Variants in ETFA observed in about 807,000 individuals in gnomAD.
ETFA encodes electron transfer flavoprotein subunit alpha.
In ETFA, 22 loss-of-function variants were observed where a neutral mutation model predicts 46.2. The observed-to-expected ratio is 0.48, with a 90% confidence interval of 0.34 to 0.68. The LOEUF (loss-of-function observed/expected upper bound fraction) is 0.68. Among genes scored for constraint, ETFA ranks in the 30% least tolerant of loss-of-function variants. ETFA has a pLI of 0.01. For missense variants in ETFA, 345 were observed against 401.1 expected (o/e 0.86, Z 1.19); for synonymous variants, 131 against 139.9 (o/e 0.94, Z 0.45).
chr15:76,255,740 A>C (rs1249506014), intron 9 of ETFA, among the ~76,000 whole-genome samples: 1 of 152,218 alleles, frequency 6.6e-6, no homozygotes, highest in Non-Finnish European at 1.5e-5. Flanking sequence ...GAAATACTCA[A>C]AAGGTTAAAT....
At chr15:76,222,208 A>AT (rs1283622503) in intron 11 of ETFA, among the ~76,000 whole-genome samples, 2 of 149,012 alleles carry the variant, frequency 1.3e-5, no homozygotes, top group East Asian at 3.9e-4. Flanking sequence ...ATATAAATAT[A>AT]TTTTTTAAAA....
At chr15:76,256,906 G>C (rs1209132232) in intron 9 of ETFA, among the ~76,000 whole-genome samples, 1 of 152,104 alleles carries the variant, frequency 6.6e-6, no homozygotes, top group African/African-American at 2.4e-5. Flanking sequence ...TTGTAGCCTA[G>C]CAGCAATAGG....
chr15:76,234,081 G>C (rs1009619161), intron 9 of ETFA, among the ~76,000 whole-genome samples: 6 of 152,182 alleles, frequency 3.9e-5, no homozygotes, highest in African/African-American at 1.2e-4. Flanking sequence ...GAAGGCAGTT[G>C]CTCCAGGGCC....
At chr15:76,273,582 CA>C (rs1487490764) in intron 9 of ETFA, among the ~76,000 whole-genome samples, 1 of 150,338 alleles carries the variant, frequency 6.7e-6, no homozygotes, top group Non-Finnish European at 1.5e-5. Context: ...CAAAACAAAA[CA>C]AAAAAAACTT....
At chr15:76,225,344 A>G (rs2038993537) in intron 11 of ETFA, among the ~76,000 whole-genome samples, 1 of 152,106 alleles carries the variant, frequency 6.6e-6, no homozygotes, top group African/African-American at 2.4e-5. Flanking sequence ...GCTGGAGTGT[A>G]GTGGCACGAT....
intron 9 of ETFA, among the ~76,000 whole-genome samples, chr15:76,267,162 T>G (rs2039477848): frequency 6.6e-6 from 1 of 152,188 alleles, no homozygotes; most frequent in African/African-American, 2.4e-5. Context: ...GATACAGCCA[T>G]TACAGTTTTT....
At chr15:76,239,112 C>A (rs910050211) in intron 9 of ETFA, among the ~76,000 whole-genome samples, 1 of 152,160 alleles carries the variant, frequency 6.6e-6, no homozygotes, top group Non-Finnish European at 1.5e-5. Context: ...ATACACACGA[C>A]CTCATTTAAC....
intron 11 of ETFA, among the ~76,000 whole-genome samples, chr15:76,218,945 G>T (rs967158221): frequency 5.9e-5 from 9 of 152,138 alleles, no homozygotes; most frequent in African/African-American, 2.2e-4. Context: ...CCAATCAGAA[G>T]TGTCCTCAGC....
intron 8 of ETFA, among the ~76,000 whole-genome samples, chr15:76,278,826 T>G (rs1353470183): frequency 6.6e-6 from 1 of 152,190 alleles, no homozygotes; most frequent in East Asian, 1.9e-4. Context: ...TATGTCCACA[T>G]TGTCTCTTGT....
chr15:76,269,178 C>T (rs2039503186), intron 9 of ETFA, among the ~76,000 whole-genome samples: 1 of 152,038 alleles, frequency 6.6e-6, no homozygotes, highest in Admixed American at 6.5e-5. Flanking sequence ...AAGCTGCCGT[C>T]AAGAACAAGC....
intron 9 of ETFA, among the ~76,000 whole-genome samples, chr15:76,239,856 C>G (rs183400312): frequency 4.8e-4 from 73 of 151,276 alleles, no homozygotes; most frequent in Admixed American, 1.1e-3. Context: ...CTAAAAGTAT[C>G]AGTTTGTACA....
At chr15:76,260,539 G>A in intron 9 of ETFA, 1 of 1,469,820 alleles carries the variant, frequency 6.8e-7, no homozygotes, top group Non-Finnish European at 9.4e-7. Flanking sequence ...CGTACGATCA[G>A]GCCCTTTTGG....
intron 9 of ETFA, among the ~76,000 whole-genome samples, chr15:76,249,012 TC>T (rs1229651863): frequency 6.6e-6 from 1 of 152,136 alleles, no homozygotes; most frequent in Non-Finnish European, 1.5e-5. Flanking sequence ...TAAAGATATC[TC>T]ACTAGTAATC....
At chr15:76,285,097 T>C (rs1456071164) in intron 7 of ETFA, among the ~76,000 whole-genome samples, 1 of 152,182 alleles carries the variant, frequency 6.6e-6, no homozygotes, top group African/African-American at 2.4e-5. Context: ...TTCAAAAAGT[T>C]AGTCAGTGGG....
At chr15:76,309,476 A>C (rs2039969124) in intron 1 of ETFA, among the ~76,000 whole-genome samples, 1 of 152,228 alleles carries the variant, frequency 6.6e-6, no homozygotes, top group African/African-American at 2.4e-5. Flanking sequence ...ACAAACAAAA[A>C]AAACAGCTAT....
At chr15:76,263,228 C>G (rs934972557) in intron 9 of ETFA, among the ~76,000 whole-genome samples, 3 of 152,160 alleles carry the variant, frequency 2.0e-5, no homozygotes, top group African/African-American at 7.2e-5. Flanking sequence ...CTAGCGTTGG[C>G]CCCCTGGTCC....
At chr15:76,219,079 T>C (rs552124602) in intron 11 of ETFA, among the ~76,000 whole-genome samples, 1 of 152,234 alleles carries the variant, frequency 6.6e-6, no homozygotes, top group African/African-American at 2.4e-5. Flanking sequence ...AAAAGGATTC[T>C]AGGCAAAAAA....
At chr15:76,280,508 C>T (rs2039637062) in intron 8 of ETFA, among the ~76,000 whole-genome samples, 1 of 152,164 alleles carries the variant, frequency 6.6e-6, no homozygotes, top group African/African-American at 2.4e-5. Flanking sequence ...ACCTAGACGA[C>T]TGATATAGCC....
At chr15:76,250,884 G>T (rs1424265246) in intron 9 of ETFA, among the ~76,000 whole-genome samples, 1 of 151,900 alleles carries the variant, frequency 6.6e-6, no homozygotes, top group Non-Finnish European at 1.5e-5. Context: ...TGTATTAAAG[G>T]AAGAGTACAC....
Sources: gnomAD v4.1 joint callset for allele counts (sites outside exome capture counted in the v4.1 genomes callset) on GRCh38, gnomAD v4.1.1 for gene constraint, MANE v1.5 for transcripts, NCBI Gene and HGNC (gene_info 2026-07-23, HGNC 2026-07-21) for gene names.